Variants in MGAT4C observed in about 807,000 individuals in gnomAD.
MGAT4C encodes alpha-1,3-mannosyl-glycoprotein 4-beta-N-acetylglucosaminyltransferase C.
Under a neutral mutation model 40.1 loss-of-function variants are expected in MGAT4C, and 19 were observed. The ratio of observed to expected loss-of-function variants is 0.47; its 90% CI spans 0.33 to 0.70. The LOEUF is 0.70. Among genes scored for constraint, MGAT4C ranks in the 30% least tolerant of loss-of-function variants. MGAT4C has a pLI of 0.02. For missense variants in MGAT4C, 491 were observed against 563.2 expected (o/e 0.87, Z 1.30); for synonymous variants, 181 against 187.1 (o/e 0.97, Z 0.27).
chr12:85,966,901 CA>C lies in MGAT4C; in HGVS notation c.*12387del, dbSNP rs1306395007. The C allele has an allele frequency of 2.4e-5, 3 of 126,956 alleles. No individual in the cohort carries two copies. The Admixed American group carries it at 2.5e-4, about 11-fold the overall frequency. 7.9% of individuals were successfully genotyped at this position (126,956 alleles called of 1,614,324 possible). ...TCACACACTGGGCCTGTTGTGGGGT[CA>C]GGGGAGGGGGGAGGGATAGCATTAG... On this transcript the variant is annotated 3_prime_UTR_variant, in exon 5 of 5. Transcript: ENST00000611864.
chr12:86,322,535 A>G (rs1954420874), intron 4 of MGAT4C, among the ~76,000 whole-genome samples: 1 of 151,942 alleles, frequency 6.6e-6, no homozygotes, highest in African/African-American at 2.4e-5. Flanking sequence ...AAGCCAATTC[A>G]GTATTATATT....
At chr12:86,803,237 T>G (rs1001639206) in intron 1 of MGAT4C, among the ~76,000 whole-genome samples, 3 of 150,320 alleles carry the variant, frequency 2.0e-5, no homozygotes, top group African/African-American at 7.3e-5. Context: ...ACTGGATCCC[T>G]CCCTTACACC....
Position 86,010,847 on chromosome 12 carries a change from G to A in MGAT4C, c.-6-21295C>T, listed in dbSNP as rs563851107. On this transcript the variant is annotated intron_variant, in intron 2 of 4. Coordinates refer to ENST00000611864, the MANE Select transcript of MGAT4C (RefSeq NM_001351288.2). ...CATGGATTAATGGGCTAATGGATTAGTGGGTTATCACAGGAGGGGTTAGTT... is the reference window on the plus strand; with the variant it reads ...CATGGATTAATGGGCTAATGGATTAATGGGTTATCACAGGAGGGGTTAGTT... Among the ~76,000 whole-genome samples the A allele has an allele frequency of 2.0e-4, 31 of 152,250 alleles. 2 individuals carry two copies. In the South Asian group the frequency reaches 5.8e-3, roughly 29 times the overall value.
In MGAT4C at chr12:86,737,736, C is replaced by A. The variant is rs558646000; in HGVS notation, c.-261-10495G>T. On this transcript the variant is annotated intron_variant, in intron 1 of 7. Transcript: ENST00000548651. ...TTCACCAACACAGTCAATAACAATT[C>A]TTTCCTTCCAGTTTCCCAGTTAAAA... Among the ~76,000 whole-genome samples the A allele has an allele frequency of 1.4e-3, 210 of 151,216 alleles. 1 individual carries two copies. Among genetic ancestry groups the A allele is most frequent in the African/African-American group, 4.9e-3 (202 of 41,342 alleles).
At chr12:86,025,145 A>G (rs1223960934) in intron 2 of MGAT4C, among the ~76,000 whole-genome samples, 1 of 151,722 alleles carries the variant, frequency 6.6e-6, no homozygotes, top group Non-Finnish European at 1.5e-5. Context: ...TATAATTTTT[A>G]TACCAATATT....
At chr12:86,690,011 C>G (rs954857898) in intron 2 of MGAT4C, among the ~76,000 whole-genome samples, 2 of 152,170 alleles carry the variant, frequency 1.3e-5, no homozygotes, top group African/African-American at 4.8e-5. Context: ...AGATGCCATG[C>G]CCAGAGAAGA....
In MGAT4C at chr12:86,462,995, A is replaced by AAT. The variant is rs371792181; in HGVS notation, c.-228-27732_-228-27731dup. Among the ~76,000 whole-genome samples the AAT allele has an allele frequency of 4.7e-3, 715 of 151,666 alleles. 3 individuals are homozygous for AAT. The highest frequency in any genetic ancestry group is 0.017 in the African/African-American group (686 of 41,306). On this transcript the variant is annotated intron_variant, in intron 2 of 7. Transcript: ENST00000548651. ...CCATCCTTCAATCAAGTTGACACTC[A>AAT]ATATTAACCATCACAACCTCCATTT... is the stretch of plus-strand genomic sequence containing the variant.
intron 4 of MGAT4C, among the ~76,000 whole-genome samples, chr12:86,275,854 C>A (rs952097954): frequency 1.5e-4 from 22 of 147,324 alleles, no homozygotes; most frequent in African/African-American, 5.6e-4. Context: ...GTAATCCCAG[C>A]ACTTTGGGAG....
At chr12:86,360,453 T>A (rs1955437066) in intron 3 of MGAT4C, among the ~76,000 whole-genome samples, 1 of 152,120 alleles carries the variant, frequency 6.6e-6, no homozygotes, top group South Asian at 2.1e-4. Flanking sequence ...TCTCACCACT[T>A]CTATTCAACA....
intron 1 of MGAT4C, among the ~76,000 whole-genome samples, chr12:86,137,210 A>G (rs1882099367): frequency 6.6e-6 from 1 of 152,136 alleles, no homozygotes; most frequent in South Asian, 2.1e-4. Flanking sequence ...ATAGAAACCT[A>G]CAGCCATTCT....
At position 86,030,343 on chromosome 12, in the gene MGAT4C, A is replaced by G. The variant is rs78949464; in HGVS notation, c.-7+19331T>C. On this transcript the variant is annotated intron_variant, in intron 2 of 4. Coordinates refer to ENST00000611864, the MANE Select transcript of MGAT4C (RefSeq NM_001351288.2). ...ATTGTGGAATTGAAAAGACGACAGT[A>G]TATGCCAGAAATCTTCACTTTATAG... 7.3e-3 allele frequency among the ~76,000 whole-genome samples: 1,110 copies of G among 151,894 alleles called. 9 individuals are homozygous for G. Among genetic ancestry groups the G allele is most frequent in the Non-Finnish European group, 0.011 (751 of 67,756 alleles).
At chr12:86,152,357 T>G (rs1230101586) in intron 1 of MGAT4C, among the ~76,000 whole-genome samples, 1 of 152,220 alleles carries the variant, frequency 6.6e-6, no homozygotes, top group Non-Finnish European at 1.5e-5. Flanking sequence ...TGCCTCGTTG[T>G]GTGTCCACTA....
At chr12:86,132,521 C>T (rs839133) in intron 1 of MGAT4C, among the ~76,000 whole-genome samples, 87,580 of 151,916 alleles carry the variant, frequency 0.58, 25,500 homozygotes, top group South Asian at 0.71. Context: ...CGGCTGGGCG[C>T]GGTGGCTCAC....
intron 4 of MGAT4C, among the ~76,000 whole-genome samples, chr12:86,294,506 T>G (rs114508724): frequency 0.018 from 2,774 of 152,250 alleles, 80 homozygotes; most frequent in African/African-American, 0.063. Context: ...ACGCAGGGCT[T>G]GACTGTTCCG....
At chr12:86,210,992 A>G (rs1322947773) in intron 1 of MGAT4C, among the ~76,000 whole-genome samples, 1 of 152,010 alleles carries the variant, frequency 6.6e-6, no homozygotes, top group African/African-American at 2.4e-5. Flanking sequence ...AGTGATAAGT[A>G]TATTAGCACA....
At chr12:86,206,670 C>T (rs1035459041) in intron 1 of MGAT4C, among the ~76,000 whole-genome samples, 3 of 152,236 alleles carry the variant, frequency 2.0e-5, no homozygotes, top group African/African-American at 4.8e-5. Flanking sequence ...CACTCTTCTT[C>T]CCACAATTCC....
chr12:86,399,980 G>A (rs1475673383), intron 3 of MGAT4C, among the ~76,000 whole-genome samples: 1 of 152,174 alleles, frequency 6.6e-6, no homozygotes, highest in Non-Finnish European at 1.5e-5. Context: ...AAAAGCACAG[G>A]TAAAGCAATG....
intron 4 of MGAT4C, among the ~76,000 whole-genome samples, chr12:86,298,315 C>G (rs1050425778): frequency 4.6e-5 from 7 of 151,948 alleles, no homozygotes; most frequent in African/African-American, 1.7e-4. Flanking sequence ...ATGTTTAAAT[C>G]ATCAAATATT....
At chr12:86,675,716 C>T (rs1964375706) in intron 2 of MGAT4C, among the ~76,000 whole-genome samples, 1 of 152,008 alleles carries the variant, frequency 6.6e-6, no homozygotes, top group Non-Finnish European at 1.5e-5. Context: ...AATAGATGTA[C>T]ATATGTTGGG....
Sources: gnomAD v4.1 joint callset for allele counts (sites outside exome capture counted in the v4.1 genomes callset) on GRCh38, gnomAD v4.1.1 for gene constraint, MANE v1.5 for transcripts, NCBI Gene and HGNC (gene_info 2026-07-23, HGNC 2026-07-21) for gene names.